SUCLG2: variants seen among roughly 807,000 people sequenced by gnomAD.
SUCLG2 encodes the protein succinate-CoA ligase GDP-forming subunit beta, also known as succinate--CoA ligase [GDP-forming] subunit beta, mitochondrial.
SUCLG2 carries 42 observed loss-of-function variants against 47.9 expected under a neutral mutation model. That is an observed-to-expected ratio of 0.88 (90% CI 0.69 to 1.14). SUCLG2 has a LOEUF of 1.14. SUCLG2 is among the 50% of genes most tolerant of loss of function. The pLI is 0.00. For missense variants in SUCLG2, 571 were observed against 525.9 expected (o/e 1.09, Z -0.84); for synonymous variants, 195 against 197.3 (o/e 0.99, Z 0.10).
intron 2 of SUCLG2, among the ~76,000 whole-genome samples, chr3:67,561,468 G>T (rs1707306059): frequency 1.3e-5 from 2 of 152,084 alleles, no homozygotes; most frequent in Admixed American, 1.3e-4. Context: ...ATCCTCTTGT[G>T]TGGCAAAATA....
intron 2 of SUCLG2, among the ~76,000 whole-genome samples, chr3:67,548,225 T>C (rs1405095236): frequency 6.6e-6 from 1 of 152,250 alleles, no homozygotes; most frequent in Non-Finnish European, 1.5e-5. Context: ...AAAGATTATT[T>C]GAGAGACTGT....
chr3:67,399,899 G>T (rs1702644622), intron 10 of SUCLG2, among the ~76,000 whole-genome samples: 1 of 152,120 alleles, frequency 6.6e-6, no homozygotes, highest in Non-Finnish European at 1.5e-5. Context: ...AACTCCCCCT[G>T]GCTAGGTGTG....
downstream of SUCLG2, among the ~76,000 whole-genome samples, chr3:67,370,660 T>A (rs1701940964): frequency 6.6e-6 from 1 of 152,206 alleles, no homozygotes; most frequent in Non-Finnish European, 1.5e-5. Context: ...AATTTATAAA[T>A]GAGGCACAGT....
At chr3:67,497,108 A>G (rs1247893784) in intron 8 of SUCLG2, among the ~76,000 whole-genome samples, 2 of 152,198 alleles carry the variant, frequency 1.3e-5, no homozygotes, top group Non-Finnish European at 2.9e-5. Flanking sequence ...TTAGCTTATC[A>G]GGATCAGAAT....
At chr3:67,384,831 T>C (rs1208439445) in intron 10 of SUCLG2, among the ~76,000 whole-genome samples, 1 of 152,238 alleles carries the variant, frequency 6.6e-6, no homozygotes, top group African/African-American at 2.4e-5. Context: ...CTCAGAATCT[T>C]TCTTGGCACA....
downstream of SUCLG2, among the ~76,000 whole-genome samples, chr3:67,371,507 AAAGAG>A (rs1238347848): frequency 6.6e-6 from 1 of 152,200 alleles, no homozygotes; most frequent in East Asian, 1.9e-4. Flanking sequence ...GCACTGAGTT[AAAGAG>A]AAGACACTTG....
intron 1 of SUCLG2, among the ~76,000 whole-genome samples, chr3:67,629,396 A>T (rs1575829212): frequency 6.6e-6 from 1 of 152,202 alleles, no homozygotes; most frequent in Admixed American, 6.5e-5. Flanking sequence ...AGTCACTAGA[A>T]CAACTCACAG....
chr3:67,419,907 GTTTCTC>G (rs1703116877), intron 9 of SUCLG2, among the ~76,000 whole-genome samples: 1 of 152,138 alleles, frequency 6.6e-6, no homozygotes, highest in Non-Finnish European at 1.5e-5. Context: ...ACAGAGGCAT[GTTTCTC>G]TTTAAGATGT....
At position 67,529,099 on chromosome 3, in the gene SUCLG2, T is replaced by A; in HGVS notation, c.314A>T (p.His105Leu). The A allele has an allele frequency of 1.2e-6, 2 of 1,611,488 alleles. No homozygotes were observed. The highest frequency in any genetic ancestry group is 1.7e-6 in the Non-Finnish European group (2 of 1,179,326). ...CCTCCAGACTTACTCTTTTGTTAAATGAACACCTCCTTTCAAACCACTATT... is the reference window on the plus strand; with the variant it reads ...CCTCCAGACTTACTCTTTTGTTAAAAGAACACCTCCTTTCAAACCACTATT... ...VFNSGLKGGV[H>L]LTKDPNVVGQ... The change falls in exon 3 of 11, where the codon CAT becomes CTT. Residue 105 changes from histidine to leucine, a missense_variant. Coordinates refer to ENST00000307227, the MANE Select transcript of SUCLG2 (RefSeq NM_003848.4).
chr3:67,565,686 A>G (rs1441314375), intron 2 of SUCLG2, among the ~76,000 whole-genome samples: 1 of 152,208 alleles, frequency 6.6e-6, no homozygotes, highest in Non-Finnish European at 1.5e-5. Context: ...ATTGTACAAG[A>G]GTAATTTGTC....
intron 1 of SUCLG2, among the ~76,000 whole-genome samples, chr3:67,621,932 T>C (rs1289531122): frequency 5.3e-5 from 8 of 152,218 alleles, no homozygotes; most frequent in Admixed American, 5.2e-4. Context: ...CTGCACATCA[T>C]TCCACCACAT....
At chr3:67,505,457 T>C (rs78535355) in intron 7 of SUCLG2, among the ~76,000 whole-genome samples, 1,949 of 152,340 alleles carry the variant, frequency 0.013, 42 homozygotes, top group African/African-American at 0.044. Flanking sequence ...AATCAGATTA[T>C]TAATCACATA....
intron 1 of SUCLG2, among the ~76,000 whole-genome samples, chr3:67,624,350 C>T (rs1006729580): frequency 2.6e-5 from 4 of 152,164 alleles, no homozygotes; most frequent in African/African-American, 9.7e-5. Flanking sequence ...TAATTGGTGT[C>T]TGTGAGGTCT....
In SUCLG2 at chr3:67,490,964, T is replaced by C. The variant is rs80164759; in HGVS notation, c.1062+4834A>G. ...AAAAGATAACAAATGCAAAAGAGTATACAGTACATGATTCCAGTGATATTA... is the reference window on the plus strand; with the variant it reads ...AAAAGATAACAAATGCAAAAGAGTACACAGTACATGATTCCAGTGATATTA... On this transcript the variant is annotated intron_variant, in intron 9 of 10. Coordinates refer to ENST00000307227, the MANE Select transcript of SUCLG2 (RefSeq NM_003848.4). Among the ~76,000 whole-genome samples the C allele has an allele frequency of 3.7e-3, 570 of 152,238 alleles. 11 individuals carry two copies. In the East Asian group the frequency reaches 0.046, roughly 12 times the overall value.
intron 9 of SUCLG2, among the ~76,000 whole-genome samples, chr3:67,450,950 G>A (rs78173856): frequency 3.4e-3 from 516 of 152,246 alleles, no homozygotes; most frequent in African/African-American, 0.012. Context: ...TGTCCATCAG[G>A]TAGCGTTTAT....
chr3:67,369,088 G>C (rs1409472616), intron 10 of SUCLG2, among the ~76,000 whole-genome samples: 5 of 151,806 alleles, frequency 3.3e-5, no homozygotes, highest in Middle Eastern at 3.2e-3. Context: ...GTGATTTATT[G>C]GTCAGTTCTT....
intron 1 of SUCLG2, among the ~76,000 whole-genome samples, chr3:67,611,747 G>A (rs949750007): frequency 2.6e-5 from 4 of 152,132 alleles, no homozygotes; most frequent in African/African-American, 4.8e-5. Context: ...CAGAACACTC[G>A]CCATATTAAT....
At chr3:67,492,710 GA>G (rs1441962286) in intron 9 of SUCLG2, among the ~76,000 whole-genome samples, 1 of 152,036 alleles carries the variant, frequency 6.6e-6, no homozygotes, top group Non-Finnish European at 1.5e-5. Flanking sequence ...AGTTTATCTT[GA>G]AAAAGACTCT....
intron 5 of SUCLG2, 87 bp downstream of exon 5, chr3:67,520,395 C>G (rs991651290): frequency 1.3e-6 from 2 of 1,570,154 alleles, no homozygotes; most frequent in Non-Finnish European, 1.8e-6. Context: ...AGATTTAGTG[C>G]TCCTGGCCTT....
Sources: allele counts gnomAD v4.1 joint callset (sites outside exome capture counted in the v4.1 genomes callset), GRCh38; gene constraint gnomAD v4.1.1; transcripts MANE v1.5; gene names NCBI Gene and HGNC (gene_info 2026-07-23, HGNC 2026-07-21).